Variants in SIX3 observed in about 807,000 individuals in gnomAD.
The protein encoded by SIX3 is SIX homeobox 3.
In SIX3, 2 loss-of-function variants were observed where a neutral mutation model predicts 21.7. The observed-to-expected ratio is 0.09, with a 90% confidence interval of 0.04 to 0.29. The LOEUF is 0.29. Among genes scored for constraint, SIX3 ranks in the 10% least tolerant of loss-of-function variants. The pLI is 1.00. For missense variants in SIX3, 347 were observed against 480.7 expected (o/e 0.72, Z 2.60); for synonymous variants, 243 against 220.6 (o/e 1.10, Z -0.90).
In SIX3 at chr2:44,942,734, G is replaced by A. The variant is rs373300081; in HGVS notation, c.630G>A (p.Thr210=). The A allele has an allele frequency of 1.9e-5, 30 of 1,601,774 alleles. No individual in the cohort carries two copies. The highest frequency in any genetic ancestry group is 2.4e-5 in the Non-Finnish European group (28 of 1,179,826). ...CCATCTGGGACGGCGAGCAGAAGACGCATTGCTTCAAGGAGCGGACTCGGA... is the reference window on the plus strand; with the variant it reads ...CCATCTGGGACGGCGAGCAGAAGACACATTGCTTCAAGGAGCGGACTCGGA... ...PRTIWDGEQK[T]HCFKERTRSL... Residue 210 remains threonine, a synonymous_variant, in exon 1 of 2, where the codon ACG becomes ACA. Coordinates refer to ENST00000260653, the MANE Select transcript of SIX3 (RefSeq NM_005413.4). This position sits in a 1 kb window ranked among gnomAD's most constrained non-coding sequence, Gnocchi z 8.4.
At position 44,944,875 on chromosome 2, in the gene SIX3, A is replaced by C; in HGVS notation, c.*115A>C. On this transcript the variant is annotated 3_prime_UTR_variant, in exon 2 of 2. Coordinates refer to ENST00000260653, the MANE Select transcript of SIX3 (RefSeq NM_005413.4). ...TTCTCCTCCTCCATCCCCAGAACAA[A>C]CCGAAATCAGGATACCCAACCATAC... is the stretch of plus-strand genomic sequence containing the variant. 5.1e-6 allele frequency: 5 copies of C among 984,476 alleles called. No individual in the cohort carries two copies. The highest frequency in any genetic ancestry group is 7.8e-6 in the Non-Finnish European group (5 of 644,930). The allele number at this position is 984,476 out of a possible 1,614,324, so 61.0% of individuals were successfully genotyped here. A position where few individuals can be genotyped will look rare whatever the true frequency, so the allele number is the denominator to read the frequency against.
In SIX3 at chr2:44,942,096, G is replaced by C. The variant is rs531488840; in HGVS notation, c.-9G>C. On this transcript the variant is annotated 5_prime_UTR_variant, in exon 1 of 2. Transcript: ENST00000260653. This position sits in a 1 kb window ranked among gnomAD's most constrained non-coding sequence, Gnocchi z 8.4. ...CCCTGAATTTTCTCCTCTCCTCTCA[G>C]GTCAGTCCATGGTATTCCGCTCCCC... 6.3e-7 allele frequency: 1 copy of C among 1,585,234 alleles called. No individual in the cohort carries two copies. Among genetic ancestry groups the C allele is most frequent in the Non-Finnish European group, 8.5e-7 (1 of 1,171,028 alleles).
chr2:44,944,240 T>A (rs1208484234), intron 1 of SIX3, among the ~76,000 whole-genome samples: 1 of 151,852 alleles, frequency 6.6e-6, no homozygotes, highest in East Asian at 1.9e-4. Flanking sequence ...CAGCTCCCGG[T>A]GTGTGTTTGA....
At chr2:44,943,393 G>T (rs999308612) in intron 1 of SIX3, among the ~76,000 whole-genome samples, 2 of 152,228 alleles carry the variant, frequency 1.3e-5, no homozygotes, top group Non-Finnish European at 2.9e-5. Context: ...ACTGCGCAGC[G>T]GGCCTGTTTC....
In SIX3 at chr2:44,941,863, G is replaced by C; in HGVS notation, c.-242G>C. The stretch of plus-strand genomic sequence containing the variant: ...GGTTCTCTCTCTGCGCGCGCGCACC[G>C]GGCCGCTCTCCTACCTCCCTCTCTA... On this transcript the variant is annotated 5_prime_UTR_variant, in exon 1 of 2. Transcript: ENST00000260653. 1 of 380,416 alleles carries C rather than the reference G, an allele frequency of 2.6e-6. No individual in the cohort carries two copies. Among genetic ancestry groups the C allele is most frequent in the Non-Finnish European group, 4.9e-6 (1 of 202,782 alleles). The allele number at this position is 380,416 out of a possible 1,614,324, so 23.6% of individuals were successfully genotyped here. A position where few individuals can be genotyped will look rare whatever the true frequency, so the allele number is the denominator to read the frequency against.
In SIX3 at chr2:44,943,352, T is replaced by C. The variant is rs549564327; in HGVS notation, c.806+442T>C. Among the ~76,000 whole-genome samples the C allele has an allele frequency of 1.1e-3, 166 of 152,102 alleles. 1 individual carries two copies. The highest frequency in any genetic ancestry group is 1.8e-3 in the Non-Finnish European group (124 of 67,980). On this transcript the variant is annotated intron_variant, in intron 1 of 1. Transcript: ENST00000260653. ...TCAGAGAGAGGAAAGTGAACCTGGGTCCCTATCACAAGGGGAAAAGGCCAG... is the reference window on the plus strand; with the variant it reads ...TCAGAGAGAGGAAAGTGAACCTGGGCCCCTATCACAAGGGGAAAAGGCCAG...
chr2:44,942,929 G>C lies in SIX3; in HGVS notation c.806+19G>C. The C allele has an allele frequency of 1.3e-6, 2 of 1,592,804 alleles. No individual in the cohort carries two copies. Among genetic ancestry groups the C allele is most frequent in the Non-Finnish European group, 1.7e-6 (2 of 1,177,234 alleles). ...AGAACAGGTTAGTGGCGGGGCCCGC[G>C]GCCTGGCTACAGCCTCAGAGGCCTG... On this transcript the variant is annotated intron_variant, in intron 1 of 1. Transcript: ENST00000260653. The surrounding 1 kb of genome is among the most constrained non-coding windows in gnomAD (Gnocchi z 8.4).
At position 44,942,310 on chromosome 2, in the gene SIX3, G is replaced by A. The variant is rs121917881; in HGVS notation, c.206G>A (p.Gly69Asp). 2.2e-4 allele frequency: 346 copies of A among 1,583,932 alleles called. No homozygotes were observed. Among genetic ancestry groups the A allele is most frequent in the Non-Finnish European group, 2.8e-4 (332 of 1,172,718 alleles). ...GGAGCAGGCGGCGGCGGCGGCGGCGGCTCCAGGGCCCCCCCGGAAGAGTTG... is the reference window on the plus strand; with the variant it reads ...GGAGCAGGCGGCGGCGGCGGCGGCGACTCCAGGGCCCCCCCGGAAGAGTTG... ...AGGAGGGGGG[G>D]SRAPPEELSM... Residue 69 changes from glycine to aspartate, a missense_variant, in exon 1 of 2, where the codon GGC (glycine) becomes GAC (aspartate). Physicochemically the swap from Gly to Asp is moderately conservative, Grantham distance 94. Around this residue, in one of 4 missense-constraint regions of SIX3, gnomAD observed 105 missense variants for 116.1 expected, o/e 0.90. Transcript: ENST00000260653. The surrounding 1 kb of genome is among the most constrained non-coding windows in gnomAD (Gnocchi z 8.4).
At position 44,942,145 on chromosome 2, in the gene SIX3, T is replaced by G. The variant is rs748430037; in HGVS notation, c.41T>G (p.Phe14Cys). The G allele has an allele frequency of 3.1e-6, 5 of 1,597,458 alleles. No homozygotes were observed. In the Admixed American group the frequency reaches 8.3e-5, roughly 27 times the overall value. ...CCCCTAGACCTCTATTCCTCCCACTTCTTGTTGCCAAACTTCGCCGATTCT... is the reference window on the plus strand; with the variant it reads ...CCCCTAGACCTCTATTCCTCCCACTGCTTGTTGCCAAACTTCGCCGATTCT... ...RSPLDLYSSH[F>C]LLPNFADSHH... The change falls in exon 1 of 2, where the codon TTC becomes TGC. Residue 14 changes from phenylalanine (F) to cysteine (C), a missense_variant. This residue lies in a region of SIX3 where 105 missense variants were observed against 116.1 expected (regional missense o/e 0.90). Coordinates refer to ENST00000260653, the MANE Select transcript of SIX3 (RefSeq NM_005413.4). This position sits in a 1 kb window ranked among gnomAD's most constrained non-coding sequence, Gnocchi z 8.4.
rs200575650 is a variant in SIX3, at chr2:44,942,162, G to T, written c.58G>T (p.Ala20Ser). 327 of 1,598,064 alleles carry T rather than the reference G, an allele frequency of 2.0e-4. 6 individuals are homozygous for T. In the South Asian group the frequency reaches 3.1e-3, roughly 15 times the overall value. ...CTCCCACTTCTTGTTGCCAAACTTC[G>T]CCGATTCTCACCACCGCTCCATACT... is the stretch of plus-strand genomic sequence containing the variant. ...YSSHFLLPNF[A>S]DSHHRSILLA... Residue 20 changes from alanine to serine, a missense_variant, in exon 1 of 2, where the codon GCC becomes TCC. Around this residue, in one of 4 missense-constraint regions of SIX3, gnomAD observed 105 missense variants for 116.1 expected, o/e 0.90. Transcript: ENST00000260653. This position sits in a 1 kb window ranked among gnomAD's most constrained non-coding sequence, Gnocchi z 8.4.
rs757727523 is a variant in SIX3, at chr2:44,942,923, G to GC, written c.806+16dup. The GC allele has an allele frequency of 6.3e-7, 1 of 1,594,798 alleles. No homozygotes were observed. The highest frequency in any genetic ancestry group is 1.1e-5 in the South Asian group (1 of 90,592). On this transcript the variant is annotated intron_variant, in intron 1 of 1. Transcript: ENST00000260653. This position sits in a 1 kb window ranked among gnomAD's most constrained non-coding sequence, Gnocchi z 8.4. ...CGGCCAAGAACAGGTTAGTGGCGGG[G>GC]CCCGCGGCCTGGCTACAGCCTCAGA...
chr2:44,943,055 A>G lies in SIX3; in HGVS notation c.806+145A>G, dbSNP rs338079. On this transcript the variant is annotated intron_variant, in intron 1 of 1. Coordinates refer to ENST00000260653, the MANE Select transcript of SIX3 (RefSeq NM_005413.4). ...CGGAGAAAGTTTCCGCTTGTCCGGG[A>G]CGCGCGGAAGAGGGGGCCGGGCTGG... The G allele has an allele frequency of 0.1, 137,061 of 1,370,634 alleles. 7,739 individuals carry two copies. The highest frequency in any genetic ancestry group is 0.18 in the African/African-American group (12,374 of 68,414). The allele number at this position is 1,370,634 out of a possible 1,614,324, so 84.9% of individuals were successfully genotyped here.
chr2:44,944,935 C>G lies in SIX3; in HGVS notation c.*175C>G. 1.6e-6 allele frequency: 1 copy of G among 629,550 alleles called. No individual in the cohort carries two copies. Among genetic ancestry groups the G allele is most frequent in the East Asian group, 2.8e-5 (1 of 36,048 alleles). 39.0% of individuals were successfully genotyped at this position (629,550 alleles called of 1,614,324 possible). ...AGTCCACACACACTCCCACCCCAGC[C>G]AAAAATATATAAAAAACAAGAAAAT... On this transcript the variant is annotated 3_prime_UTR_variant, in exon 2 of 2. Coordinates refer to ENST00000260653, the MANE Select transcript of SIX3 (RefSeq NM_005413.4).
In SIX3 at chr2:44,944,756, T is replaced by A; in HGVS notation, c.995T>A (p.Val332Glu). ...ACCTCCAGCGACTCGGAATGTGATG[T>A]ATGATAGCCAAGGCCGCCCTCCTCC... ...SVTSSDSECD[V>E] The change falls in exon 2 of 2, where the codon GTA (valine) becomes GAA (glutamate). Residue 332 changes from valine (V) to glutamate (E), a missense_variant. Val to Glu is a moderately radical substitution (Grantham distance 121). This residue lies in a region of SIX3 where 110 missense variants were observed against 93.3 expected (regional missense o/e 1.18). Coordinates refer to ENST00000260653, the MANE Select transcript of SIX3 (RefSeq NM_005413.4). 3 of 1,583,668 alleles carry A rather than the reference T, an allele frequency of 1.9e-6. No individual in the cohort carries two copies. Among genetic ancestry groups the A allele is most frequent in the Non-Finnish European group, 2.6e-6 (3 of 1,172,264 alleles).
intron 1 of SIX3, 127 bp downstream of exon 1, chr2:44,943,037 A>G: frequency 1.4e-6 from 2 of 1,422,676 alleles, no homozygotes; most frequent in Non-Finnish European, 1.8e-6. Flanking sequence ...AGTCGGAGAA[A>G]GTTTCCGCTT....
Position 44,944,709 on chromosome 2 carries a change from C to T in SIX3, c.948C>T (p.Thr316=). 1 of 1,588,478 alleles carries T rather than the reference C, an allele frequency of 6.3e-7. No homozygotes were observed. Among genetic ancestry groups the T allele is most frequent in the South Asian group, 1.1e-5 (1 of 89,218 alleles). Residue 316 remains threonine (T), a synonymous_variant, in exon 2 of 2, where the codon ACC becomes ACT. Transcript: ENST00000260653. ...SVSSLTERAD[T]GTSILSVTSS... is the part of the protein sequence containing the mutation. ...CCAGCCTGACGGAGCGCGCAGACAC[C>T]GGCACCTCCATCCTCTCGGTAACCT...
chr2:44,943,862 G>C (rs545007820), intron 1 of SIX3, among the ~76,000 whole-genome samples: 29 of 152,346 alleles, frequency 1.9e-4, no homozygotes, highest in African/African-American at 6.7e-4. Context: ...CTGGGTGTGA[G>C]TTTCTGGAGG....
chr2:44,942,539 C>T lies in SIX3; in HGVS notation c.435C>T (p.Phe145=), dbSNP rs750603655. Residue 145 remains phenylalanine (F), a synonymous_variant, in exon 1 of 2, where the codon TTC becomes TTT. Transcript: ENST00000260653. The surrounding 1 kb of genome is among the most constrained non-coding windows in gnomAD (Gnocchi z 8.4). ...TGGTCGCCTTCCACACGGGCAACTT[C>T]CGCGACCTCTACCACATCCTTGAGA... ...RAVVAFHTGN[F]RDLYHILENH... The T allele has an allele frequency of 6.3e-7, 1 of 1,598,538 alleles. No homozygotes were observed. Among genetic ancestry groups the T allele is most frequent in the African/African-American group, 1.3e-5 (1 of 74,932 alleles).
chr2:44,941,928 G>A lies in SIX3; in HGVS notation c.-177G>A. The A allele has an allele frequency of 1.7e-6, 1 of 597,948 alleles. No homozygotes were observed. The highest frequency in any genetic ancestry group is 3.1e-6 in the Non-Finnish European group (1 of 321,988). 37.0% of individuals were successfully genotyped at this position (597,948 alleles called of 1,614,324 possible). A position where few individuals can be genotyped will look rare whatever the true frequency, so the allele number is the denominator to read the frequency against. On this transcript the variant is annotated 5_prime_UTR_variant, in exon 1 of 2. Transcript: ENST00000260653. ...TGTGTGTGTGTGTGGATGTGTGTGG[G>A]GTGTGGGTGTCCCTTACGCCCTTCC...
Sources: gnomAD v4.1 joint callset for allele counts (sites outside exome capture counted in the v4.1 genomes callset) on GRCh38, gnomAD v4.1.1 for gene constraint, gnomAD v4.1.1 regional missense constraint, Gnocchi (gnomAD v3.1) non-coding constraint, MANE v1.5 for transcripts, NCBI Gene and HGNC (gene_info 2026-07-23, HGNC 2026-07-21) for gene names.